Variants in DLC1 observed in about 807,000 individuals in gnomAD.
DLC1 encodes the protein rho GTPase-activating protein 7.
Under a neutral mutation model 140.3 loss-of-function variants are expected in DLC1, and 54 were observed. The observed-to-expected ratio is 0.38, with a 90% CI of 0.31 to 0.48. The LOEUF is 0.48. Among genes scored for constraint, DLC1 ranks in the 20% least tolerant of loss-of-function variants. The pLI is 0.96. For missense variants in DLC1, 2,536 were observed against 1,907.0 expected (o/e 1.33, Z -6.14); for synonymous variants, 986 against 728.1 (o/e 1.35, Z -5.70).
Position 13,599,637 on chromosome 8 carries a change from GA to G in DLC1, c.-126+4899del, listed in dbSNP as rs1365068992. 9.9e-5 allele frequency among the ~76,000 whole-genome samples: 15 copies of G among 152,028 alleles called. No individual in the cohort carries two copies. The South Asian group carries it at 3.1e-3, about 32-fold the overall frequency. On this transcript the variant is annotated intron_variant, in intron 1 of 1. Transcript: ENST00000631382. The stretch of plus-strand genomic sequence containing the variant: ...TTTATGAAGAAAATTGTAAAACAAT[GA>G]GAGATATTAACAAAGGTCTAAATAA...
chr8:13,280,008 G>A (rs954205631), intron 5 of DLC1, among the ~76,000 whole-genome samples: 4 of 151,818 alleles, frequency 2.6e-5, no homozygotes, highest in African/African-American at 7.3e-5. Flanking sequence ...GGCTGGGTGC[G>A]GTGGCTCACA....
intron 2 of DLC1, among the ~76,000 whole-genome samples, chr8:13,453,539 C>CATAT (rs1260330712): frequency 2.4e-4 from 6 of 25,302 alleles, no homozygotes; most frequent in East Asian, 1.9e-3. Flanking sequence ...TATATATATA[C>CATAT]ATATATATAT....
At chr8:13,240,996 G>T (rs534965809) in intron 5 of DLC1, among the ~76,000 whole-genome samples, 13 of 152,158 alleles carry the variant, frequency 8.5e-5, no homozygotes, top group Non-Finnish European at 1.8e-4. Flanking sequence ...AAGGGGTTGA[G>T]AGAGAAGGGG....
intron 3 of DLC1, among the ~76,000 whole-genome samples, chr8:13,395,573 C>G (rs935772865): frequency 3.9e-5 from 6 of 152,168 alleles, no homozygotes; most frequent in African/African-American, 1.4e-4. Context: ...GAAGAAACTA[C>G]TAGACTGACA....
At chr8:13,403,807 G>GTTTTTTTTTTTTTT (rs369715973) in intron 2 of DLC1, among the ~76,000 whole-genome samples, 32 of 87,256 alleles carry the variant, frequency 3.7e-4, no homozygotes, top group Non-Finnish European at 4.6e-4. Flanking sequence ...AGGTCTGGCT[G>GTTTTTTTTTTTTTT]TTTTTTTTTT....
intron 2 of DLC1, among the ~76,000 whole-genome samples, chr8:13,474,855 C>G (rs1000936326): frequency 2.0e-5 from 3 of 152,216 alleles, no homozygotes; most frequent in Non-Finnish European, 4.4e-5. Flanking sequence ...CTCATTGTAT[C>G]TAGGAAGTAA....
chr8:13,449,519 C>T (rs1006437724), intron 2 of DLC1, among the ~76,000 whole-genome samples: 1 of 152,114 alleles, frequency 6.6e-6, no homozygotes, highest in Non-Finnish European at 1.5e-5. Context: ...GAACCTGACA[C>T]AGGTGGAAAG....
chr8:13,580,254 C>A (rs1433958312), intron 1 of DLC1, among the ~76,000 whole-genome samples: 1 of 152,084 alleles, frequency 6.6e-6, no homozygotes, highest in Non-Finnish European at 1.5e-5. Context: ...TCCCGAGTAG[C>A]TGGGCCTACA....
chr8:13,581,626 A>T (rs1405188592), intron 1 of DLC1, among the ~76,000 whole-genome samples: 1 of 152,196 alleles, frequency 6.6e-6, no homozygotes, highest in Non-Finnish European at 1.5e-5. Context: ...TTACATGTCT[A>T]ACTGGTTTTC....
chr8:13,587,190 A>G (rs1805352578), intron 1 of DLC1, among the ~76,000 whole-genome samples: 1 of 151,842 alleles, frequency 6.6e-6, no homozygotes. Flanking sequence ...ATTAGAATAG[A>G]TAAAATTTTG....
intron 5 of DLC1, among the ~76,000 whole-genome samples, chr8:13,238,528 GA>G (rs199732798): frequency 9.5e-5 from 14 of 147,850 alleles, no homozygotes; most frequent in South Asian, 6.4e-4. Context: ...AAGAAAGAAA[GA>G]AAAAAAAAAG....
At chr8:13,394,893 T>C (rs1178658240) in intron 3 of DLC1, among the ~76,000 whole-genome samples, 1 of 152,132 alleles carries the variant, frequency 6.6e-6, no homozygotes. Context: ...TGAATCTTAC[T>C]ACCTCAGAGA....
intron 5 of DLC1, among the ~76,000 whole-genome samples, chr8:13,302,534 G>T (rs1374844213): frequency 6.6e-6 from 1 of 152,076 alleles, no homozygotes; most frequent in Non-Finnish European, 1.5e-5. Flanking sequence ...AGCACACACA[G>T]AGCAATCACA....
At chr8:13,227,498 G>A (rs1666633451) in intron 5 of DLC1, among the ~76,000 whole-genome samples, 1 of 152,144 alleles carries the variant, frequency 6.6e-6, no homozygotes, top group Middle Eastern at 3.2e-3. Flanking sequence ...AGGGCCGAGG[G>A]TACCTGTGCT....
chr8:13,573,300 C>T (rs960029280), intron 1 of DLC1, among the ~76,000 whole-genome samples: 1 of 152,078 alleles, frequency 6.6e-6, no homozygotes, highest in African/African-American at 2.4e-5. Flanking sequence ...TTGATTTTTG[C>T]ATGCTGGTTT....
At chr8:13,199,726 C>G (rs1447211240) in intron 5 of DLC1, among the ~76,000 whole-genome samples, 1 of 151,904 alleles carries the variant, frequency 6.6e-6, no homozygotes. Context: ...TGGATGATAA[C>G]ATAGAGGTGA....
chr8:13,593,254 C>T (rs932068781), intron 1 of DLC1, among the ~76,000 whole-genome samples: 4 of 152,096 alleles, frequency 2.6e-5, no homozygotes, highest in Non-Finnish European at 5.9e-5. Flanking sequence ...TCTTTATCAG[C>T]ATACCAATTT....
intron 2 of DLC1, among the ~76,000 whole-genome samples, chr8:13,407,918 A>G (rs1167580465): frequency 6.6e-6 from 1 of 152,206 alleles, no homozygotes; most frequent in African/African-American, 2.4e-5. Flanking sequence ...TTCATTTGAC[A>G]ATAAATTTCT....
At chr8:13,243,338 GTC>G (rs1829623032) in intron 5 of DLC1, among the ~76,000 whole-genome samples, 1 of 141,370 alleles carries the variant, frequency 7.1e-6, no homozygotes, top group African/African-American at 2.6e-5. Context: ...TTCACTCTTT[GTC>G]TCTCTCCTGC....
Sources: gnomAD v4.1 joint callset for allele counts (sites outside exome capture counted in the v4.1 genomes callset) on GRCh38, gnomAD v4.1.1 for gene constraint, MANE v1.5 for transcripts, NCBI Gene and HGNC (gene_info 2026-07-23, HGNC 2026-07-21) for gene names.